The following ADCY2 variants were observed in gnomAD, a reference collection of about 807,000 sequenced individuals.
ADCY2 encodes adenylate cyclase 2, also known as adenylate cyclase type 2.
ADCY2 carries 31 observed loss-of-function variants against 125.2 expected under a neutral mutation model. The ratio of observed to expected loss-of-function variants is 0.25; its 90% CI spans 0.19 to 0.33. ADCY2 has a LOEUF of 0.33. Among genes scored for constraint, ADCY2 ranks in the 10% least tolerant of loss-of-function variants. The probability of loss-of-function intolerance (pLI) is 1.00; values close to 1 mark genes in which losing one functional copy is unlikely to be tolerated. For missense variants in ADCY2, 904 were observed against 1,418.2 expected (o/e 0.64, Z 5.82); for synonymous variants, 512 against 548.4 (o/e 0.93, Z 0.93).
chr5:7,498,725 T>A (rs1160120126), intron 2 of ADCY2, among the ~76,000 whole-genome samples: 1 of 152,204 alleles, frequency 6.6e-6, no homozygotes, highest in Admixed American at 6.5e-5. Context: ...TGTACAAGAA[T>A]GTTCACAGCA....
chr5:7,639,930 A>T (rs1312106754), intron 4 of ADCY2, among the ~76,000 whole-genome samples: 2 of 152,302 alleles, frequency 1.3e-5, no homozygotes, highest in East Asian at 3.9e-4. Flanking sequence ...GTCTCCTTCC[A>T]GTAGGGAGTG....
intron 1 of ADCY2, among the ~76,000 whole-genome samples, chr5:7,411,952 G>C (rs1465249750): frequency 6.6e-6 from 1 of 151,706 alleles, no homozygotes; most frequent in Non-Finnish European, 1.5e-5. Flanking sequence ...GCGGGCGCCT[G>C]TAGTCCCAGC....
At chr5:7,633,912 T>A (rs753994545) in intron 4 of ADCY2, among the ~76,000 whole-genome samples, 6 of 152,224 alleles carry the variant, frequency 3.9e-5, no homozygotes, top group Non-Finnish European at 8.8e-5. Context: ...AAGAATAATC[T>A]AGTTAAAAGA....
intron 20 of ADCY2, chr5:7,798,476 T>C (rs1217827251): frequency 6.6e-6 from 1 of 150,560 alleles, no homozygotes; most frequent in Non-Finnish European, 1.5e-5. Context: ...GGAGAGAGAG[T>C]AGAAACCAAC....
chr5:7,528,807 A>C (rs1734553559), intron 3 of ADCY2, among the ~76,000 whole-genome samples: 1 of 152,204 alleles, frequency 6.6e-6, no homozygotes, highest in Non-Finnish European at 1.5e-5. Flanking sequence ...AAAGATAACG[A>C]GGCTCTGCTC....
intron 2 of ADCY2, among the ~76,000 whole-genome samples, chr5:7,495,464 A>G (rs540523278): frequency 6.6e-6 from 1 of 152,388 alleles, no homozygotes; most frequent in East Asian, 1.9e-4. Flanking sequence ...TTGCAGAAGA[A>G]TAGCAGACCT....
chr5:7,521,659 G>A (rs1166390628), intron 3 of ADCY2, among the ~76,000 whole-genome samples: 4 of 152,218 alleles, frequency 2.6e-5, no homozygotes, highest in Admixed American at 1.3e-4. Context: ...CCATTCTAAA[G>A]GAACTTTAGG....
intron 4 of ADCY2, among the ~76,000 whole-genome samples, chr5:7,686,237 A>C (rs1357339154): frequency 1.3e-5 from 2 of 152,154 alleles, no homozygotes; most frequent in Non-Finnish European, 2.9e-5. Context: ...AAATAGTCTA[A>C]AAAAAGACAT....
chr5:7,590,746 C>T (rs1015118930), intron 3 of ADCY2, among the ~76,000 whole-genome samples: 1 of 151,928 alleles, frequency 6.6e-6, no homozygotes, highest in Non-Finnish European at 1.5e-5. Flanking sequence ...CAAAGTCAGC[C>T]CACAGGAATC....
At chr5:7,580,006 CA>C (rs1736375653) in intron 3 of ADCY2, among the ~76,000 whole-genome samples, 1 of 152,132 alleles carries the variant, frequency 6.6e-6, no homozygotes, top group South Asian at 2.1e-4. Flanking sequence ...AGTGAATCGA[CA>C]TAGAAGCAGA....
intron 3 of ADCY2, among the ~76,000 whole-genome samples, chr5:7,586,114 A>G (rs1027118482): frequency 2.0e-5 from 3 of 152,226 alleles, no homozygotes; most frequent in Admixed American, 6.5e-5. Flanking sequence ...AGTTAAATTC[A>G]GCCAACTTGG....
chr5:7,463,071 T>G (rs1281934235), intron 2 of ADCY2, among the ~76,000 whole-genome samples: 1 of 152,242 alleles, frequency 6.6e-6, no homozygotes, highest in African/African-American at 2.4e-5. Flanking sequence ...CTTTTCCCTT[T>G]GAATTGGCTG....
At chr5:7,550,122 C>T (rs1285869185) in intron 3 of ADCY2, among the ~76,000 whole-genome samples, 1 of 152,114 alleles carries the variant, frequency 6.6e-6, no homozygotes, top group Non-Finnish European at 1.5e-5. Context: ...CACTATGGCC[C>T]TCTCTAAAAT....
At chr5:7,823,911 C>T (rs1178326749) in intron 24 of ADCY2, among the ~76,000 whole-genome samples, 2 of 152,164 alleles carry the variant, frequency 1.3e-5, no homozygotes, top group Non-Finnish European at 2.9e-5. Context: ...GGTCGGCCAC[C>T]TACACCGGCT....
intron 3 of ADCY2, among the ~76,000 whole-genome samples, chr5:7,565,144 C>A (rs1044789983): frequency 6.6e-6 from 1 of 152,234 alleles, no homozygotes. Flanking sequence ...GCCCAGCTCA[C>A]ATGCTGGACT....
At position 7,545,634 on chromosome 5, in the gene ADCY2, G is replaced by A. The variant is rs375809587; in HGVS notation, c.570+24735G>A. On this transcript the variant is annotated intron_variant, in intron 3 of 24. Transcript: ENST00000338316. The stretch of plus-strand genomic sequence containing the variant: ...TATTTCTACAGTGTTTATTTTTAAA[G>A]TGTCGACGATTTTGTGCTTGGAGAA... 2.0e-5 allele frequency among the ~76,000 whole-genome samples: 3 copies of A among 152,336 alleles called. No individual in the cohort carries two copies. The South Asian group carries it at 6.2e-4, about 32-fold the overall frequency.
intron 2 of ADCY2, among the ~76,000 whole-genome samples, chr5:7,487,142 A>G (rs1742964628): frequency 6.6e-6 from 1 of 152,204 alleles, no homozygotes; most frequent in African/African-American, 2.4e-5. Flanking sequence ...TCAGGAAAGT[A>G]TTATGGTCCT....
At chr5:7,397,985 A>G (rs1739125590) in intron 1 of ADCY2, among the ~76,000 whole-genome samples, 1 of 152,150 alleles carries the variant, frequency 6.6e-6, no homozygotes, top group Non-Finnish European at 1.5e-5. Context: ...ACTTGGGGAG[A>G]GACTTCTGCT....
At chr5:7,496,790 A>G (rs1743360743) in intron 2 of ADCY2, among the ~76,000 whole-genome samples, 1 of 152,190 alleles carries the variant, frequency 6.6e-6, no homozygotes, top group Non-Finnish European at 1.5e-5. Context: ...TATAAGGAAC[A>G]AAAAGTTAGC....
Sources: allele counts gnomAD v4.1 joint callset (sites outside exome capture counted in the v4.1 genomes callset), GRCh38; gene constraint gnomAD v4.1.1; transcripts MANE v1.5; gene names NCBI Gene and HGNC (gene_info 2026-07-23, HGNC 2026-07-21).